The following SH3RF1 variants were observed in gnomAD, a reference collection of about 807,000 sequenced individuals.
SH3RF1 encodes E3 ubiquitin-protein ligase SH3RF1.
SH3RF1 carries 32 observed loss-of-function variants against 74.0 expected under a neutral mutation model. That is an observed-to-expected ratio of 0.43 (90% CI 0.33 to 0.58). The LOEUF (loss-of-function observed/expected upper bound fraction) is 0.58, where lower values mean the gene tolerates loss of function less well. Ranked by LOEUF, SH3RF1 falls within the 20% of genes least tolerant of loss-of-function variation. SH3RF1 has a pLI of 0.05. For synonymous variants in SH3RF1, 396 were observed against 439.6 expected, an observed-to-expected ratio of 0.90 and a Z score of 1.24; for missense variants, 954 against 1,130.9, an observed-to-expected ratio of 0.84 and a Z score of 2.24.
chr4:169,139,756 C>A (rs1391358148), intron 4 of SH3RF1, among the ~76,000 whole-genome samples: 1 of 152,120 alleles, frequency 6.6e-6, no homozygotes, highest in East Asian at 1.9e-4. Flanking sequence ...TGTAACAAGC[C>A]AACTGGCAAG....
At chr4:169,269,550 GCA>G (rs1468161224) in intron 1 of SH3RF1, 3 of 223,644 alleles carry the variant, frequency 1.3e-5, no homozygotes, top group Admixed American at 5.1e-5. Flanking sequence ...CAAACACAAG[GCA>G]CAGAGTATTA....
In SH3RF1 at chr4:169,094,616, AAAG is replaced by A. The variant is rs1732881542; in HGVS notation, c.*1900_*1902del. On this transcript the variant is annotated 3_prime_UTR_variant, in exon 12 of 12. Coordinates refer to ENST00000284637, the MANE Select transcript of SH3RF1 (RefSeq NM_020870.4). ...ATAAAATACACTAATTTCCCAAAAT[AAAG>A]AATATTATGACACATTGGTGTCAAC... The A allele has an allele frequency of 6.6e-6, 1 of 152,348 alleles. No individual in the cohort carries two copies. The highest frequency in any genetic ancestry group is 1.5e-5 in the Non-Finnish European group (1 of 68,024). The allele number at this position is 152,348 out of a possible 1,614,324, so 9.4% of individuals were successfully genotyped here. A position where few individuals can be genotyped will look rare whatever the true frequency, so the allele number is the denominator to read the frequency against.
At position 169,116,261 on chromosome 4, in the gene SH3RF1, G is replaced by T; in HGVS notation, c.2139+8C>A. 1.3e-6 allele frequency: 2 copies of T among 1,589,682 alleles called. No homozygotes were observed. The highest frequency in any genetic ancestry group is 1.2e-5 in the South Asian group (1 of 86,944). ...AAGCAGAGAAACAGTAAGTAAGTAT[G>T]GTCTTACTTTGCTATCCTTGTCTGG... On this transcript the variant is annotated splice_region_variant and intron_variant, in intron 10 of 11. Transcript: ENST00000284637.
intron 8 of SH3RF1, among the ~76,000 whole-genome samples, chr4:169,118,628 T>A (rs1369774995): frequency 6.6e-5 from 10 of 152,036 alleles, no homozygotes; most frequent in Non-Finnish European, 2.9e-5. Flanking sequence ...GCTACTTTTT[T>A]GTATTTTTAG....
intron 2 of SH3RF1, 137 bp downstream of exon 2, chr4:169,268,683 G>A: frequency 1.2e-6 from 1 of 837,960 alleles, no homozygotes; most frequent in Non-Finnish European, 1.7e-6. Context: ...AAAATATTCA[G>A]AGGTATAATC....
intron 2 of SH3RF1, among the ~76,000 whole-genome samples, chr4:169,197,624 CAAA>C (rs530886905): frequency 2.6e-5 from 3 of 114,120 alleles, no homozygotes; most frequent in African/African-American, 6.8e-5. Context: ...GACTCTGTCT[CAAA>C]AAAAAAAAAA....
chr4:169,233,538 AT>A (rs1359699362), intron 2 of SH3RF1, among the ~76,000 whole-genome samples: 4 of 152,194 alleles, frequency 2.6e-5, no homozygotes, highest in Admixed American at 6.5e-5. Context: ...CTATTAACTC[AT>A]TGCATTACAC....
chr4:169,126,282 T>C (rs1733522298), intron 6 of SH3RF1, among the ~76,000 whole-genome samples: 1 of 152,218 alleles, frequency 6.6e-6, no homozygotes, highest in South Asian at 2.1e-4. Context: ...CAATATGGTA[T>C]GGAATAAGAG....
intron 2 of SH3RF1, among the ~76,000 whole-genome samples, chr4:169,194,948 T>C (rs1734786029): frequency 6.6e-6 from 1 of 152,238 alleles, no homozygotes; most frequent in South Asian, 2.1e-4. Flanking sequence ...ACATATATTT[T>C]AAAACCCAAG....
chr4:169,158,725 T>C (rs1315286596), intron 2 of SH3RF1, among the ~76,000 whole-genome samples: 1 of 152,222 alleles, frequency 6.6e-6, no homozygotes, highest in African/African-American at 2.4e-5. Context: ...GCATTACTTA[T>C]ATCATTGTCT....
intron 10 of SH3RF1, among the ~76,000 whole-genome samples, chr4:169,108,717 C>T (rs1374639520): frequency 2.0e-5 from 3 of 152,260 alleles, no homozygotes; most frequent in Non-Finnish European, 2.9e-5. Flanking sequence ...TTCAATGCCA[C>T]ATTTTCCGTG....
At chr4:169,156,749 C>A in intron 2 of SH3RF1, 70 bp from the exon 3 acceptor site, 1 of 1,410,080 alleles carries the variant, frequency 7.1e-7, no homozygotes. Flanking sequence ...AATACAACTG[C>A]GTTGTCATTG....
intron 2 of SH3RF1, among the ~76,000 whole-genome samples, chr4:169,197,084 C>T (rs564615772): frequency 2.0e-5 from 3 of 152,196 alleles, no homozygotes; most frequent in African/African-American, 7.2e-5. Context: ...CAGCTCACTA[C>T]AACTTCCACC....
intron 2 of SH3RF1, among the ~76,000 whole-genome samples, chr4:169,255,531 T>G (rs1731172745): frequency 6.6e-6 from 1 of 151,082 alleles, no homozygotes; most frequent in Admixed American, 6.6e-5. Flanking sequence ...TGGGCAAGGT[T>G]GGGGAAGGGT....
rs528313161 is a variant in SH3RF1, at chr4:169,196,182, T to A, written c.394-39503A>T. Among the ~76,000 whole-genome samples the A allele has an allele frequency of 3.3e-5, 5 of 152,332 alleles. No individual in the cohort carries two copies. The East Asian group carries it at 9.6e-4, about 29-fold the overall frequency. ...GAAGCTTTAATGTATTTTTTTCTAT[T>A]GCTATTGTTTCCCTAGTTTTTGCTG... On this transcript the variant is annotated intron_variant, in intron 2 of 11. Transcript: ENST00000284637.
intron 2 of SH3RF1, among the ~76,000 whole-genome samples, chr4:169,246,124 CAA>C (rs139719273): frequency 0.02 from 3,021 of 152,290 alleles, 42 homozygotes; most frequent in Non-Finnish European, 0.031. Context: ...CTGAAGTTGG[CAA>C]AGTCATTCAT....
At chr4:169,131,843 C>G (rs1457660269) in intron 5 of SH3RF1, among the ~76,000 whole-genome samples, 1 of 152,216 alleles carries the variant, frequency 6.6e-6, no homozygotes, top group East Asian at 1.9e-4. Context: ...TGGGCCAAGT[C>G]TTTGTTTGCA....
At chr4:169,262,874 G>A (rs1231833292) in intron 2 of SH3RF1, among the ~76,000 whole-genome samples, 4 of 152,046 alleles carry the variant, frequency 2.6e-5, no homozygotes, top group Admixed American at 6.5e-5. Context: ...TCACCATCAA[G>A]CCTAGCTCAG....
At chr4:169,144,337 AATACC>A (rs1733837280) in intron 4 of SH3RF1, among the ~76,000 whole-genome samples, 1 of 152,302 alleles carries the variant, frequency 6.6e-6, no homozygotes, top group East Asian at 1.9e-4. Context: ...GGTAAAGTAC[AATACC>A]TATTCTCAAC....
Sources: allele counts gnomAD v4.1 joint callset (sites outside exome capture counted in the v4.1 genomes callset), GRCh38; gene constraint gnomAD v4.1.1; transcripts MANE v1.5; gene names NCBI Gene and HGNC (gene_info 2026-07-23, HGNC 2026-07-21).